Variants in CHRDL2 observed in about 807,000 individuals in gnomAD.
CHRDL2 encodes chordin like 2.
A neutral mutation model predicts 54.3 loss-of-function variants in CHRDL2; 41 were observed. The observed-to-expected ratio is 0.76, with a 90% CI of 0.59 to 0.98. The LOEUF (loss-of-function observed/expected upper bound fraction) is 0.98, where lower values mean the gene tolerates loss of function less well. Ranked by LOEUF, CHRDL2 falls within the 50% of genes least tolerant of loss-of-function variation. The pLI is 0.00. For missense variants in CHRDL2, 518 were observed against 562.4 expected, an observed-to-expected ratio of 0.92 and a Z score of 0.80; for synonymous variants, 220 against 224.3, an observed-to-expected ratio of 0.98 and a Z score of 0.17.
intron 2 of CHRDL2, among the ~76,000 whole-genome samples, chr11:74,715,994 T>TAATA (rs145360099): frequency 6.6e-6 from 1 of 151,648 alleles, no homozygotes; most frequent in African/African-American, 2.4e-5. Context: ...AATAAATAAA[T>TAATA]AATAAATAAA....
chr11:74,723,427 C>A (rs1349502805), intron 1 of CHRDL2, among the ~76,000 whole-genome samples: 2 of 152,180 alleles, frequency 1.3e-5, no homozygotes, highest in East Asian at 1.9e-4. Context: ...GCATAGATTT[C>A]TTTTGCCTTC....
chr11:74,708,159 C>G (rs2034068971), intron 5 of CHRDL2, 143 bp downstream of exon 5: 1 of 539,688 alleles, frequency 1.9e-6, no homozygotes, highest in East Asian at 3.6e-5. Context: ...CTGGGGGGTG[C>G]AGGCTAAGCC....
chr11:74,719,895 A>C (rs2034464971), intron 1 of CHRDL2, among the ~76,000 whole-genome samples: 1 of 152,026 alleles, frequency 6.6e-6, no homozygotes, highest in Non-Finnish European at 1.5e-5. Context: ...CCAGCCCAGC[A>C]CTGCAGCCTT....
At chr11:74,707,554 T>C (rs1470300738) in intron 5 of CHRDL2, among the ~76,000 whole-genome samples, 1 of 152,146 alleles carries the variant, frequency 6.6e-6, no homozygotes, top group Non-Finnish European at 1.5e-5. Context: ...GTGAGCCCAA[T>C]ACTGTGACCA....
intron 10 of CHRDL2, 68 bp downstream of exon 10, chr11:74,697,137 C>G (rs574080896): frequency 1.4e-5 from 18 of 1,312,026 alleles, no homozygotes; most frequent in Admixed American, 5.2e-5. Flanking sequence ...GGGAACTCCC[C>G]GAAAGGCTCT....
Position 74,730,933 on chromosome 11 carries a change from G to A in CHRDL2, c.-45C>T, listed in dbSNP as rs376401327. 3.7e-5 allele frequency: 57 copies of A among 1,529,384 alleles called. No homozygotes were observed. Among genetic ancestry groups the A allele is most frequent in the Non-Finnish European group, 4.7e-5 (53 of 1,123,084 alleles). The allele number at this position is 1,529,384 out of a possible 1,614,324, so 94.7% of individuals were successfully genotyped here. A position where few individuals can be genotyped will look rare whatever the true frequency, so the allele number is the denominator to read the frequency against. The stretch of plus-strand genomic sequence containing the variant: ...CGCTGGTCCGGGAGCGGAGTCGGGA[G>A]GAAGGGAGACGAAAAGGACACGGAG... On this transcript the variant is annotated 5_prime_UTR_variant, in exon 1 of 11. Transcript: ENST00000376332.
chr11:74,703,386 A>G lies in CHRDL2; in HGVS notation c.865T>C (p.Cys289Arg), dbSNP rs1247770910. The G allele has an allele frequency of 5.0e-6, 8 of 1,613,708 alleles. No homozygotes were observed. The South Asian group carries it at 8.8e-5, about 18-fold the overall frequency. Residue 289 changes from cysteine (C) to arginine (R), a missense_variant, in exon 8 of 11, where the codon TGC (cysteine) becomes CGC (arginine). Cys to Arg is a radical substitution (Grantham distance 180, BLOSUM62 -3). Coordinates refer to ENST00000376332, the MANE Select transcript of CHRDL2 (RefSeq NM_001278473.3). ...TCGGTGGGACAGGTCACACGCTGGC[A>G]GTCCTGGCGGCCATCCTCACAGGTG... Reference protein sequence around the residue: ...LCTCEDGRQDCQRVTCPTEYP... With the variant: ...LCTCEDGRQDRQRVTCPTEYP...
intron 9 of CHRDL2, among the ~76,000 whole-genome samples, chr11:74,699,907 C>T (rs1406908227): frequency 6.6e-6 from 1 of 152,208 alleles, no homozygotes; most frequent in Non-Finnish European, 1.5e-5. Flanking sequence ...AGATGGGGTG[C>T]GGTTTGCTAG....
intron 1 of CHRDL2, among the ~76,000 whole-genome samples, chr11:74,720,815 A>T (rs2034485419): frequency 6.6e-6 from 1 of 152,182 alleles, no homozygotes; most frequent in Non-Finnish European, 1.5e-5. Context: ...CGCCTCCAGG[A>T]AACAGGAGCT....
chr11:74,728,584 G>A (rs1313070734), intron 1 of CHRDL2, among the ~76,000 whole-genome samples: 3 of 151,898 alleles, frequency 2.0e-5, no homozygotes, highest in Admixed American at 2.0e-4. Context: ...ATGTTCCCCA[G>A]GCTAGCCTTG....
At chr11:74,728,878 T>A (rs1484228082) in intron 1 of CHRDL2, among the ~76,000 whole-genome samples, 1 of 152,166 alleles carries the variant, frequency 6.6e-6, no homozygotes, top group Non-Finnish European at 1.5e-5. Context: ...ATGAGTTGGC[T>A]CCAAGTCTTT....
chr11:74,707,634 A>C (rs2034053849), intron 5 of CHRDL2, among the ~76,000 whole-genome samples: 1 of 151,958 alleles, frequency 6.6e-6, no homozygotes, highest in Admixed American at 6.6e-5. Context: ...CGTGCCACTT[A>C]TGGTTCTCTC....
chr11:74,713,386 C>T lies in CHRDL2; in HGVS notation c.289G>A (p.Glu97Lys). Reference protein sequence around the residue: ...EPQQCCPKCVEPHTPSGLRAP... With the variant: ...EPQQCCPKCVKPHTPSGLRAP... ...GATGGGGAGGAGCATGGCTACTTAC[C>T]CACACACTTGGGACAGCATTGCTGT... is the stretch of plus-strand genomic sequence containing the variant. The change falls in exon 3 of 11, where the codon GAA becomes AAA. Residue 97 changes from glutamate to lysine, a missense_variant and splice_region_variant. Physicochemically the swap from Glu to Lys is moderately conservative, Grantham distance 56. Coordinates refer to ENST00000376332, the MANE Select transcript of CHRDL2 (RefSeq NM_001278473.3). 1.2e-6 allele frequency: 2 copies of T among 1,613,572 alleles called. No homozygotes were observed. Among genetic ancestry groups the T allele is most frequent in the African/African-American group, 2.7e-5 (2 of 75,004 alleles).
chr11:74,705,467 C>G (rs900847209), intron 6 of CHRDL2, among the ~76,000 whole-genome samples: 8 of 152,228 alleles, frequency 5.3e-5, no homozygotes, highest in African/African-American at 1.9e-4. Context: ...AGAGCCTGAG[C>G]TCACAAGAGC....
chr11:74,703,580 G>C (rs879302787), intron 7 of CHRDL2, 81 bp from the exon 8 acceptor site: 2 of 1,280,906 alleles, frequency 1.6e-6, no homozygotes, highest in Non-Finnish European at 2.1e-6. Context: ...GGGTGGGGTG[G>C]GCCCTTGGGG....
chr11:74,725,386 T>C (rs1054355784), intron 1 of CHRDL2, among the ~76,000 whole-genome samples: 2 of 152,148 alleles, frequency 1.3e-5, no homozygotes, highest in Non-Finnish European at 2.9e-5. Flanking sequence ...TAACAGAAAT[T>C]AGCTTCTGAC....
chr11:74,713,621 G>A (rs1342010066), intron 2 of CHRDL2, 142 bp from the exon 3 acceptor site: 17 of 653,338 alleles, frequency 2.6e-5, no homozygotes, highest in Non-Finnish European at 4.3e-5. Context: ...AATTAAGTGT[G>A]CCCGGTTCCT....
At chr11:74,700,637 A>ATT (rs1478150277) in intron 9 of CHRDL2, among the ~76,000 whole-genome samples, 9 of 139,566 alleles carry the variant, frequency 6.4e-5, no homozygotes, top group African/African-American at 1.9e-4. Flanking sequence ...TATTATTATT[A>ATT]TTATTATTTT....
intron 2 of CHRDL2, among the ~76,000 whole-genome samples, chr11:74,716,817 G>A (rs1392987106): frequency 6.6e-6 from 1 of 152,064 alleles, no homozygotes; most frequent in East Asian, 1.9e-4. Context: ...TTCTCACAGG[G>A]CACAGTGGCT....
Sources: allele counts gnomAD v4.1 joint callset (sites outside exome capture counted in the v4.1 genomes callset), GRCh38; gene constraint gnomAD v4.1.1; transcripts MANE v1.5; gene names NCBI Gene and HGNC (gene_info 2026-07-23, HGNC 2026-07-21).